CSMD2: variants seen among roughly 807,000 people sequenced by gnomAD.
CSMD2 encodes the protein CUB and Sushi multiple domains 2.
A neutral mutation model predicts 398.5 loss-of-function variants in CSMD2; 130 were observed. The ratio of observed to expected loss-of-function variants is 0.33; its 90% CI spans 0.28 to 0.38. The LOEUF (loss-of-function observed/expected upper bound fraction) is 0.38, where lower values mean the gene tolerates loss of function less well. CSMD2 is among the 10% of genes least tolerant of loss of function. The pLI is 1.00. For synonymous variants in CSMD2, 1,828 were observed against 1,908.5 expected, an observed-to-expected ratio of 0.96 and a Z score of 1.10; for missense variants, 3,829 against 4,764.9, an observed-to-expected ratio of 0.80 and a Z score of 5.78.
At position 33,684,173 on chromosome 1, in the gene CSMD2, C is replaced by T. The variant is rs1054193136; in HGVS notation, c.4052+8757G>A. On this transcript the variant is annotated intron_variant, in intron 25 of 70. Transcript: ENST00000373381. ...AGATGTTTTTCTAGCCCAGCATCCT[C>T]CCAGGAAGATAAGCTCCACTGGGCA... Among the ~76,000 whole-genome samples, 18 of 152,188 alleles carry T rather than the reference C, an allele frequency of 1.2e-4. 1 individual carries two copies. Among genetic ancestry groups the T allele is most frequent in the Admixed American group, 1.1e-3 (17 of 15,276 alleles).
chr1:33,890,459 T>G (rs1641927876), intron 5 of CSMD2, among the ~76,000 whole-genome samples: 1 of 152,210 alleles, frequency 6.6e-6, no homozygotes, highest in Non-Finnish European at 1.5e-5. Flanking sequence ...CTCGATCTCC[T>G]GACCTTGTGA....
rs76352585 is a variant in CSMD2, at chr1:33,610,845, T to C, written c.6343+196A>G. On this transcript the variant is annotated intron_variant, in intron 41 of 70. Transcript: ENST00000373381. ...TTGGGCCTGCCACTCTTGAAAAGGC[T>C]GTGGGAGAACTTAAGCTGACAAATG... Among the ~76,000 whole-genome samples, 1,506 of 152,188 alleles carry C rather than the reference T, an allele frequency of 9.9e-3. 26 individuals are homozygous for C. Among genetic ancestry groups the C allele is most frequent in the African/African-American group, 0.035 (1,447 of 41,524 alleles).
At chr1:33,703,725 A>G (rs550215441) in intron 22 of CSMD2, among the ~76,000 whole-genome samples, 17 of 152,320 alleles carry the variant, frequency 1.1e-4, no homozygotes, top group African/African-American at 4.1e-4. Context: ...TGGGGATGAC[A>G]CATCTTCAAT....
chr1:33,783,295 C>T (rs182025010), intron 12 of CSMD2, among the ~76,000 whole-genome samples: 233 of 152,212 alleles, frequency 1.5e-3, no homozygotes, highest in African/African-American at 5.4e-3. Flanking sequence ...TATTGAGGCT[C>T]TTAGCCCCCA....
chr1:34,086,031 A>AG, intron 2 of CSMD2, among the ~76,000 whole-genome samples: 1 of 151,704 alleles, frequency 6.6e-6, no homozygotes. Context: ...AAAAAAAAAA[A>AG]AAAAGAAAGA....
At chr1:33,837,935 C>T (rs898417870) in intron 6 of CSMD2, among the ~76,000 whole-genome samples, 20 of 152,238 alleles carry the variant, frequency 1.3e-4, no homozygotes, top group Non-Finnish European at 5.9e-5. Flanking sequence ...ACATGGTACA[C>T]ATTTAGCTAG....
At chr1:33,535,939 G>A (rs1196179759) in intron 62 of CSMD2, among the ~76,000 whole-genome samples, 6 of 151,848 alleles carry the variant, frequency 4.0e-5, no homozygotes, top group East Asian at 1.9e-4. Context: ...TCACCGTGTC[G>A]TGTCTACTGC....
At chr1:33,882,794 T>C (rs1570386343) in intron 5 of CSMD2, among the ~76,000 whole-genome samples, 1 of 152,206 alleles carries the variant, frequency 6.6e-6, no homozygotes, top group Non-Finnish European at 1.5e-5. Context: ...ATTTACTAGC[T>C]AACTTCCCCC....
intron 3 of CSMD2, among the ~76,000 whole-genome samples, chr1:34,019,027 C>T (rs1648524306): frequency 6.6e-6 from 1 of 152,154 alleles, no homozygotes; most frequent in Non-Finnish European, 1.5e-5. Context: ...CACACTTTAC[C>T]TCTTACTAGC....
chr1:33,557,890 T>C lies in CSMD2; in HGVS notation c.8587A>G (p.Asn2863Asp). 6.5e-7 allele frequency: 1 copy of C among 1,536,158 alleles called. No homozygotes were observed. The highest frequency in any genetic ancestry group is 8.7e-7 in the Non-Finnish European group (1 of 1,146,914). The change falls in exon 55 of 71, where the codon AAT (asparagine) becomes GAT (aspartate). Residue 2863 changes from asparagine to aspartate, a missense_variant. Physicochemically the swap from Asn to Asp is conservative, Grantham distance 23. Transcript: ENST00000373381. ...INCTDPGHQE[N>D]SVRQVHASGP... ...CTGGCGTGGACCTGACGAACACTAT[T>C]TTCTTGGTGTCCAGGATCTGTACAG...
At position 33,635,350 on chromosome 1, in the gene CSMD2, G is replaced by T; in HGVS notation, c.4970-20C>A. The T allele has an allele frequency of 6.8e-7, 1 of 1,463,924 alleles. No homozygotes were observed. The allele number at this position is 1,463,924 out of a possible 1,614,324, so 90.7% of individuals were successfully genotyped here. A position where few individuals can be genotyped will look rare whatever the true frequency, so the allele number is the denominator to read the frequency against. ...AGGGGGCTGAAAGAGAAACCAGATA[G>T]AGAGTCAGGTGACCTTGTGGGCCTC... On this transcript the variant is annotated intron_variant, in intron 30 of 70. Coordinates refer to ENST00000373381, the MANE Select transcript of CSMD2 (RefSeq NM_001281956.2). The surrounding 1 kb of genome is among the most constrained non-coding windows in gnomAD (Gnocchi z 5.0).
intron 15 of CSMD2, among the ~76,000 whole-genome samples, chr1:33,735,647 C>T (rs991589541): frequency 1.3e-5 from 2 of 152,194 alleles, no homozygotes; most frequent in African/African-American, 4.8e-5. Flanking sequence ...TTGCCGACCC[C>T]TGCTTTAGAT....
intron 9 of CSMD2, among the ~76,000 whole-genome samples, chr1:33,811,759 A>G (rs1656897382): frequency 1.3e-5 from 2 of 152,214 alleles, no homozygotes; most frequent in East Asian, 3.8e-4. Flanking sequence ...TGCTTTCTTT[A>G]AAAATGTGTG....
chr1:33,926,755 T>TTA (rs1644140669), intron 4 of CSMD2, among the ~76,000 whole-genome samples: 1 of 152,202 alleles, frequency 6.6e-6, no homozygotes, highest in African/African-American at 2.4e-5. Flanking sequence ...GGTGCAGGTG[T>TTA]GTTATGCTGA....
intron 3 of CSMD2, among the ~76,000 whole-genome samples, chr1:34,002,528 A>G (rs1218984702): frequency 6.6e-6 from 1 of 152,158 alleles, no homozygotes; most frequent in Non-Finnish European, 1.5e-5. Context: ...GTATATGCAA[A>G]AAAATTATTA....
intron 3 of CSMD2, among the ~76,000 whole-genome samples, chr1:33,986,926 T>C (rs562237227): frequency 2.6e-5 from 4 of 152,280 alleles, no homozygotes; most frequent in East Asian, 1.9e-4. Context: ...AAAGGCAGCA[T>C]CCTTCTCGTG....
chr1:33,797,810 G>A (rs934579898), intron 10 of CSMD2, among the ~76,000 whole-genome samples: 9 of 152,144 alleles, frequency 5.9e-5, no homozygotes, highest in African/African-American at 2.2e-4. Context: ...GCCCCTTCCA[G>A]CCAGCCCTGG....
At chr1:33,936,199 C>T (rs1644476259) in intron 3 of CSMD2, among the ~76,000 whole-genome samples, 2 of 152,214 alleles carry the variant, frequency 1.3e-5, no homozygotes, top group Admixed American at 6.5e-5. Context: ...ACTGGATGTC[C>T]AGGTCTCTTG....
At position 33,724,319 on chromosome 1, in the gene CSMD2, G is replaced by A; in HGVS notation, c.2885-6C>T. 6.2e-7 allele frequency: 1 copy of A among 1,604,100 alleles called. No individual in the cohort carries two copies. Among genetic ancestry groups the A allele is most frequent in the Non-Finnish European group, 8.5e-7 (1 of 1,171,306 alleles). Reference sequence around the variant, plus strand: ...AATGAAGCCACCACAGAGAGCTACAGAAGGAGTGAAGAGGGCAGTGAAAGA... The same window carrying A: ...AATGAAGCCACCACAGAGAGCTACAAAAGGAGTGAAGAGGGCAGTGAAAGA... On this transcript the variant is annotated splice_region_variant and splice_polypyrimidine_tract_variant and intron_variant, in intron 18 of 70. Transcript: ENST00000373381.
Sources: allele counts gnomAD v4.1 joint callset (sites outside exome capture counted in the v4.1 genomes callset), GRCh38; gene constraint gnomAD v4.1.1; non-coding constraint Gnocchi (gnomAD v3.1); transcripts MANE v1.5; gene names NCBI Gene and HGNC (gene_info 2026-07-23, HGNC 2026-07-21).